Variants in RGS17 observed in about 807,000 individuals in gnomAD.
RGS17 encodes the protein regulator of G-protein signaling 17.
In RGS17, 12 loss-of-function variants were observed where a neutral mutation model predicts 25.5. The observed-to-expected ratio is 0.47, with a 90% CI of 0.30 to 0.76. The LOEUF (loss-of-function observed/expected upper bound fraction) is 0.76, where lower values mean the gene tolerates loss of function less well. Among genes scored for constraint, RGS17 ranks in the 30% least tolerant of loss-of-function variants. The pLI is 0.07. For missense variants in RGS17, 196 were observed against 242.2 expected (o/e 0.81, Z 1.27); for synonymous variants, 71 against 76.9 (o/e 0.92, Z 0.40).
intron 4 of RGS17, among the ~76,000 whole-genome samples, chr6:153,023,676 A>T (rs1460568863): frequency 6.6e-6 from 1 of 152,216 alleles, no homozygotes; most frequent in African/African-American, 2.4e-5. Context: ...CCACCTAAGA[A>T]TATTAGTGGT....
chr6:153,103,818 G>T (rs931239970), intron 1 of RGS17, among the ~76,000 whole-genome samples: 4 of 152,060 alleles, frequency 2.6e-5, no homozygotes, highest in Non-Finnish European at 4.4e-5. Context: ...TTAGTCAGTA[G>T]AAGCTACTTT....
chr6:153,017,823 T>C (rs2129106024), intron 4 of RGS17, among the ~76,000 whole-genome samples: 2 of 152,312 alleles, frequency 1.3e-5, no homozygotes, highest in South Asian at 4.1e-4. Context: ...TTCTGATTAA[T>C]TTTTTCCCTT....
At chr6:153,052,558 T>C (rs1342916764) in intron 1 of RGS17, among the ~76,000 whole-genome samples, 1 of 152,028 alleles carries the variant, frequency 6.6e-6, no homozygotes. Context: ...GTTTTACATG[T>C]TCATAGCTGG....
At chr6:153,069,514 T>C (rs1380161500) in intron 1 of RGS17, among the ~76,000 whole-genome samples, 2 of 151,626 alleles carry the variant, frequency 1.3e-5, no homozygotes, top group East Asian at 1.9e-4. Flanking sequence ...GGAAAAAAAA[T>C]AGTTAGAAGG....
chr6:153,021,118 A>G (rs1779243840), intron 4 of RGS17, among the ~76,000 whole-genome samples: 1 of 152,166 alleles, frequency 6.6e-6, no homozygotes, highest in Admixed American at 6.5e-5. Context: ...GCTTATTTTT[A>G]TTGTTATTTT....
At chr6:153,066,668 C>G (rs1041301563) in intron 1 of RGS17, among the ~76,000 whole-genome samples, 2 of 152,134 alleles carry the variant, frequency 1.3e-5, no homozygotes, top group Non-Finnish European at 2.9e-5. Flanking sequence ...GGATTTATCC[C>G]TAGAATGCAA....
chr6:153,077,418 T>C (rs944698846), intron 1 of RGS17, among the ~76,000 whole-genome samples: 1 of 152,190 alleles, frequency 6.6e-6, no homozygotes, highest in Non-Finnish European at 1.5e-5. Flanking sequence ...ATAGAATTAT[T>C]GCTAATTTGA....
chr6:153,022,236 ATTAC>A (rs1779254859), intron 4 of RGS17, among the ~76,000 whole-genome samples: 1 of 152,142 alleles, frequency 6.6e-6, no homozygotes. Context: ...ACAAACCTCT[ATTAC>A]TTTAGCAAAA....
intron 2 of RGS17, among the ~76,000 whole-genome samples, chr6:153,033,304 A>AT (rs1435013175): frequency 1.3e-5 from 2 of 152,348 alleles, no homozygotes; most frequent in East Asian, 3.9e-4. Flanking sequence ...GAAAATAGAA[A>AT]TCTACACGGT....
Position 153,024,448 on chromosome 6 carries a change from G to A in RGS17, c.258C>T (p.Asp86=). 6.2e-7 allele frequency: 1 copy of A among 1,614,150 alleles called. No homozygotes were observed. The highest frequency in any genetic ancestry group is 8.5e-7 in the Non-Finnish European group (1 of 1,180,004). ...TTCCTGCTGGGGCCTTCATCATCTT[G>A]TCAAAATTTTGAGACCAGGACAAGA... ...EEVLSWSQNF[D]KMMKAPAGRN... Residue 86 remains aspartate, a synonymous_variant, in exon 4 of 5, where the codon GAC becomes GAT. Transcript: ENST00000206262.
At chr6:153,120,599 T>A (rs551721127) in intron 1 of RGS17, among the ~76,000 whole-genome samples, 5 of 152,118 alleles carry the variant, frequency 3.3e-5, no homozygotes, top group Non-Finnish European at 7.4e-5. Flanking sequence ...GAAGCGCCTG[T>A]CCCATAGCAC....
intron 1 of RGS17, among the ~76,000 whole-genome samples, chr6:153,122,221 C>G (rs958319773): frequency 1.3e-5 from 2 of 152,060 alleles, no homozygotes; most frequent in African/African-American, 4.8e-5. Context: ...TACGTAGGCA[C>G]CATATCAGTT....
intron 1 of RGS17, among the ~76,000 whole-genome samples, chr6:153,124,675 C>A (rs1383123574): frequency 1.3e-5 from 2 of 152,112 alleles, no homozygotes; most frequent in African/African-American, 4.8e-5. Flanking sequence ...AATCTAAAAC[C>A]TGGGCTCTTT....
chr6:153,054,065 T>TGC, intron 1 of RGS17, among the ~76,000 whole-genome samples: 1 of 50,772 alleles, frequency 2.0e-5, no homozygotes, highest in Non-Finnish European at 3.4e-5. Flanking sequence ...ATAATATATA[T>TGC]ACATATATAT....
At chr6:153,037,746 T>C (rs999638629) in intron 2 of RGS17, among the ~76,000 whole-genome samples, 3 of 152,296 alleles carry the variant, frequency 2.0e-5, no homozygotes, top group South Asian at 4.1e-4. Context: ...TTTTAATGCA[T>C]GAAACTTCAG....
intron 2 of RGS17, among the ~76,000 whole-genome samples, chr6:153,041,498 T>A (rs1776320535): frequency 6.6e-6 from 1 of 152,044 alleles, no homozygotes; most frequent in South Asian, 2.1e-4. Context: ...AAATGTTTTG[T>A]TATTTAATGT....
At chr6:153,089,331 T>C (rs1293409664) in intron 1 of RGS17, among the ~76,000 whole-genome samples, 1 of 152,108 alleles carries the variant, frequency 6.6e-6, no homozygotes, top group Admixed American at 6.6e-5. Context: ...ATAAAAAACA[T>C]TTATATTTTT....
intron 1 of RGS17, among the ~76,000 whole-genome samples, chr6:153,045,434 C>A (rs1296591738): frequency 1.3e-5 from 2 of 152,160 alleles, no homozygotes; most frequent in Non-Finnish European, 2.9e-5. Flanking sequence ...CAGAGAAAGC[C>A]ATCCAGATCA....
In RGS17 at chr6:153,008,951, G is replaced by A. The variant is rs766627178; in HGVS notation, c.*2623C>T. 7 of 152,096 alleles carry A rather than the reference G, an allele frequency of 4.6e-5. No individual in the cohort carries two copies. Among genetic ancestry groups the A allele is most frequent in the Non-Finnish European group, 7.4e-5 (5 of 67,984 alleles). 9.4% of individuals were successfully genotyped at this position (152,096 alleles called of 1,614,324 possible). A position where few individuals can be genotyped will look rare whatever the true frequency, so the allele number is the denominator to read the frequency against. On this transcript the variant is annotated 3_prime_UTR_variant, in exon 5 of 5. Transcript: ENST00000206262. ...ACCCTCCCCTCACCCAAAAATACGA[G>A]TTTAGCACAGAAATGCTCACATAGC...
Sources: gnomAD v4.1 joint callset for allele counts (sites outside exome capture counted in the v4.1 genomes callset) on GRCh38, gnomAD v4.1.1 for gene constraint, MANE v1.5 for transcripts, NCBI Gene and HGNC (gene_info 2026-07-23, HGNC 2026-07-21) for gene names.